THOC1: variants seen among roughly 807,000 people sequenced by gnomAD.
The protein encoded by THOC1 is THO complex 1.
A neutral mutation model predicts 97.3 loss-of-function variants in THOC1; 29 were observed. The ratio of observed to expected loss-of-function variants is 0.30; its 90% CI spans 0.22 to 0.41. The LOEUF (loss-of-function observed/expected upper bound fraction) is 0.41, where lower values mean the gene tolerates loss of function less well. Ranked by LOEUF, THOC1 falls within the 10% of genes least tolerant of loss-of-function variation. THOC1 has a pLI of 1.00. For synonymous variants in THOC1, 255 were observed against 257.0 expected (o/e 0.99, Z 0.07); for missense variants, 529 against 761.9 (o/e 0.69, Z 3.60).
At chr18:221,086 A>G (rs1388087071) in intron 17 of THOC1, among the ~76,000 whole-genome samples, 1 of 152,092 alleles carries the variant, frequency 6.6e-6, no homozygotes, top group Admixed American at 6.6e-5. Flanking sequence ...TTCCATTATG[A>G]CTTCTTTGAT....
intron 4 of THOC1, 92 bp from the exon 5 acceptor site, chr18:260,396 T>C: frequency 1.2e-6 from 1 of 801,888 alleles, no homozygotes. Context: ...TCTTAAAAGG[T>C]ACACTTTGTT....
intron 11 of THOC1, among the ~76,000 whole-genome samples, chr18:243,330 A>G (rs916291467): frequency 6.6e-6 from 1 of 152,224 alleles, no homozygotes; most frequent in African/African-American, 2.4e-5. Flanking sequence ...GGAGAATGAT[A>G]TAAAAGCATC....
chr18:264,205 A>C, intron 3 of THOC1, 113 bp from the exon 4 acceptor site: 2 of 673,498 alleles, frequency 3.0e-6, no homozygotes, highest in Non-Finnish European at 4.9e-6. Context: ...TATGGAATAC[A>C]ATATTTCTTA....
intron 17 of THOC1, among the ~76,000 whole-genome samples, chr18:221,733 C>G (rs764145924): frequency 6.6e-6 from 1 of 151,858 alleles, no homozygotes; most frequent in Non-Finnish European, 1.5e-5. Context: ...CTCAGCCTCC[C>G]AAGTAGCTGA....
chr18:219,632 G>A (rs1911009521), intron 17 of THOC1, among the ~76,000 whole-genome samples: 1 of 151,958 alleles, frequency 6.6e-6, no homozygotes, highest in African/African-American at 2.4e-5. Context: ...ATAAATAAAG[G>A]GGATAGTCTA....
chr18:231,610 A>G (rs1432199972), intron 11 of THOC1, among the ~76,000 whole-genome samples: 2 of 152,196 alleles, frequency 1.3e-5, no homozygotes, highest in African/African-American at 4.8e-5. Context: ...CCCACTACCC[A>G]GCTACATATA....
At chr18:262,649 G>A (rs1912639413) in intron 4 of THOC1, among the ~76,000 whole-genome samples, 1 of 152,132 alleles carries the variant, frequency 6.6e-6, no homozygotes, top group African/African-American at 2.4e-5. Context: ...TACATTGTGG[G>A]ACTCAGCTAA....
intron 11 of THOC1, among the ~76,000 whole-genome samples, chr18:228,835 T>C (rs1042453526): frequency 6.6e-6 from 1 of 152,220 alleles, no homozygotes; most frequent in Non-Finnish European, 1.5e-5. Context: ...CACTGGTATG[T>C]TGTCACCACC....
At chr18:236,350 CTTTTTTT>C (rs71174215) in intron 11 of THOC1, among the ~76,000 whole-genome samples, 4 of 88,374 alleles carry the variant, frequency 4.5e-5, no homozygotes, top group Non-Finnish European at 8.8e-5. Context: ...GAATAAGATT[CTTTTTTT>C]TTTTTTTTTT....
chr18:221,224 A>G (rs2143150849), intron 17 of THOC1, among the ~76,000 whole-genome samples: 1 of 152,274 alleles, frequency 6.6e-6, no homozygotes, highest in South Asian at 2.1e-4. Flanking sequence ...TAAATTCTAA[A>G]TGTATTACAC....
In THOC1 at chr18:225,422, A is replaced by AAAGCATGCTTGAGTTACAGCAATGC; in HGVS notation, c.1020-44_1020-20dup. 1.2e-6 allele frequency: 2 copies of AAAGCATGCTTGAGTTACAGCAATGC among 1,607,856 alleles called. No homozygotes were observed. Among genetic ancestry groups the AAAGCATGCTTGAGTTACAGCAATGC allele is most frequent in the South Asian group, 1.1e-5 (1 of 90,434 alleles). ...GTTTGAACTAGGGAACAAAGCAATG[A>AAAGCATGCTTGAGTTACAGCAATGC]AAGCATGCTTGAGTTACAGCAATGC... On this transcript the variant is annotated intron_variant, in intron 12 of 20. Transcript: ENST00000261600.
At chr18:222,266 A>G (rs540801636) in intron 17 of THOC1, among the ~76,000 whole-genome samples, 25 of 152,324 alleles carry the variant, frequency 1.6e-4, no homozygotes, top group African/African-American at 5.8e-4. Flanking sequence ...TGAATTCTTG[A>G]TAAGATTTAT....
intron 11 of THOC1, among the ~76,000 whole-genome samples, chr18:238,082 T>C (rs1237053721): frequency 6.6e-6 from 1 of 152,016 alleles, no homozygotes; most frequent in Non-Finnish European, 1.5e-5. Context: ...CCAGGCTGGT[T>C]CTCAAACTCC....
rs79080833 is a variant in THOC1 at position 226,509 on chromosome 18, G to A, written c.1019+292C>T. The A allele has an allele frequency of 0.03, 8,437 of 284,084 alleles. 864 individuals carry two copies. In the East Asian group the frequency reaches 0.34, roughly 11 times the overall value. 17.6% of individuals were successfully genotyped at this position (284,084 alleles called of 1,614,324 possible). ...CAGCTTTGGAGGAGGTCTGAGGGAGGTGAGAAGGGAATGACGGAATTTTGG... is the reference window on the plus strand; with the variant it reads ...CAGCTTTGGAGGAGGTCTGAGGGAGATGAGAAGGGAATGACGGAATTTTGG... On this transcript the variant is annotated intron_variant, in intron 12 of 20. Coordinates refer to ENST00000261600, the MANE Select transcript of THOC1 (RefSeq NM_005131.3).
Position 214,651 on chromosome 18 carries a change from G to GTT in THOC1, c.1947_1948dup (p.Thr650LysfsTer18). On this transcript the variant is annotated frameshift_variant, in exon 21 of 21. Coordinates refer to ENST00000261600, the MANE Select transcript of THOC1 (RefSeq NM_005131.3). LOFTEE classifies it high-confidence loss of function. ...CTAACTATTTGTCTCATTGTCATTA[G>GTT]TTAGACTTTCTGCAAGGTCACTTAA... is the stretch of plus-strand genomic sequence containing the variant. 1 of 1,613,174 alleles carries GTT rather than the reference G, an allele frequency of 6.2e-7. No homozygotes were observed. The highest frequency in any genetic ancestry group is 8.5e-7 in the Non-Finnish European group (1 of 1,179,432).
intron 12 of THOC1, chr18:226,267 C>T (rs536031250): frequency 2.0e-5 from 3 of 152,662 alleles, no homozygotes; most frequent in African/African-American, 7.2e-5. Context: ...ACACAAATAC[C>T]GTTAAGTAAC....
chr18:246,454 T>C lies in THOC1; in HGVS notation c.788A>G (p.Tyr263Cys). Residue 263 changes from tyrosine (Y) to cysteine (C), a missense_variant and splice_region_variant, in exon 11 of 21, where the codon TAT (tyrosine) becomes TGT (cysteine). Tyr to Cys is a radical substitution (Grantham distance 194). Transcript: ENST00000261600. ...AAAAACAGCTAAAACTTCTTCAGAA[T>C]ACTGCAAAATAAAAATATTAGTTTT... is the stretch of plus-strand genomic sequence containing the variant. ...EKISWKTFLK[Y>C]SEEVLAVFKS... is the part of the protein sequence containing the mutation. The C allele has an allele frequency of 6.4e-7, 1 of 1,560,744 alleles. No individual in the cohort carries two copies. The highest frequency in any genetic ancestry group is 8.7e-7 in the Non-Finnish European group (1 of 1,151,678).
intron 17 of THOC1, among the ~76,000 whole-genome samples, chr18:222,053 G>A (rs577690531): frequency 6.2e-4 from 94 of 151,810 alleles, no homozygotes; most frequent in Admixed American, 1.2e-3. Flanking sequence ...TAATTTACTT[G>A]CTTAAATTTT....
intron 4 of THOC1, 33 bp from the exon 5 acceptor site, chr18:260,337 TA>T: frequency 7.4e-7 from 1 of 1,345,900 alleles, no homozygotes; most frequent in Non-Finnish European, 1.0e-6. Flanking sequence ...TTTAAAAGTT[TA>T]AAAAACTGTA....
Sources: allele counts gnomAD v4.1 joint callset (sites outside exome capture counted in the v4.1 genomes callset), GRCh38; gene constraint gnomAD v4.1.1; transcripts MANE v1.5; gene names NCBI Gene and HGNC (gene_info 2026-07-23, HGNC 2026-07-21).